Variants in FCHSD2 observed in about 807,000 individuals in gnomAD.
FCHSD2 encodes F-BAR and double SH3 domains protein 2.
Under a neutral mutation model 108.1 loss-of-function variants are expected in FCHSD2, and 38 were observed. The observed-to-expected ratio is 0.35, with a 90% CI of 0.27 to 0.46. The LOEUF (loss-of-function observed/expected upper bound fraction) is 0.46, where lower values mean the gene tolerates loss of function less well. FCHSD2 is among the 20% of genes least tolerant of loss of function. FCHSD2 has a pLI of 1.00. For synonymous variants in FCHSD2, 279 were observed against 314.7 expected (o/e 0.89, Z 1.20); for missense variants, 751 against 897.8 (o/e 0.84, Z 2.09).
intron 9 of FCHSD2, among the ~76,000 whole-genome samples, chr11:72,903,973 A>G (rs1482731106): frequency 6.6e-6 from 1 of 152,224 alleles, no homozygotes; most frequent in East Asian, 1.9e-4. Context: ...ATATAGATGA[A>G]TAAGACAAAC....
intron 12 of FCHSD2, among the ~76,000 whole-genome samples, chr11:72,883,597 A>G (rs1217367945): frequency 5.9e-5 from 9 of 152,240 alleles, no homozygotes; most frequent in Non-Finnish European, 1.2e-4. Context: ...TCAAAACCAC[A>G]GTGAGATACC....
At chr11:73,088,979 T>C (rs1859890598) in intron 2 of FCHSD2, among the ~76,000 whole-genome samples, 1 of 152,208 alleles carries the variant, frequency 6.6e-6, no homozygotes, top group Non-Finnish European at 1.5e-5. Context: ...ACCCTTGATG[T>C]GCATATCAAC....
chr11:73,106,750 T>C (rs1860354616), intron 2 of FCHSD2, among the ~76,000 whole-genome samples: 1 of 152,166 alleles, frequency 6.6e-6, no homozygotes, highest in African/African-American at 2.4e-5. Flanking sequence ...TGTATCACAA[T>C]TGCTTAAAGT....
intron 4 of FCHSD2, among the ~76,000 whole-genome samples, chr11:73,007,602 A>C (rs1857768622): frequency 6.6e-6 from 1 of 152,142 alleles, no homozygotes; most frequent in Admixed American, 6.5e-5. Flanking sequence ...CCCTGTTTTG[A>C]AAGAAAGGAA....
chr11:73,082,459 C>T (rs1859718861), intron 3 of FCHSD2, among the ~76,000 whole-genome samples: 1 of 150,322 alleles, frequency 6.7e-6, no homozygotes. Context: ...ACTGATTGAA[C>T]CAATGAATTA....
At chr11:72,930,650 C>T (rs1273370777) in intron 8 of FCHSD2, among the ~76,000 whole-genome samples, 2 of 152,206 alleles carry the variant, frequency 1.3e-5, no homozygotes, top group South Asian at 2.1e-4. Context: ...GAGCCTGAGG[C>T]ATAAGAATTG....
intron 8 of FCHSD2, among the ~76,000 whole-genome samples, chr11:72,967,818 C>T (rs1591443082): frequency 1.3e-5 from 2 of 149,586 alleles, no homozygotes; most frequent in Non-Finnish European, 3.0e-5. Context: ...AGGCTGGGTG[C>T]GGGTGGCTCA....
In FCHSD2 at chr11:72,872,126, T is replaced by C. The variant is rs543629920; in HGVS notation, c.1147-4100A>G. Among the ~76,000 whole-genome samples the C allele has an allele frequency of 1.0e-3, 157 of 152,244 alleles. 1 individual carries two copies. The highest frequency in any genetic ancestry group is 2.1e-3 in the Non-Finnish European group (144 of 68,018). ...GTTTGGGGTATCATATACGTCTTTA[T>C]ATAAGACAATTGGAATTTTTGGCTT... On this transcript the variant is annotated intron_variant, in intron 12 of 19. Transcript: ENST00000409418.
At chr11:72,872,889 T>G (rs1178552428) in intron 12 of FCHSD2, among the ~76,000 whole-genome samples, 1 of 152,224 alleles carries the variant, frequency 6.6e-6, no homozygotes, top group Admixed American at 6.5e-5. Context: ...AACGTGGCTT[T>G]ATCATTTGAT....
At chr11:73,011,607 G>GCTCA (rs1857865452) in intron 4 of FCHSD2, among the ~76,000 whole-genome samples, 1 of 152,148 alleles carries the variant, frequency 6.6e-6, no homozygotes, top group Admixed American at 6.5e-5. Flanking sequence ...CTCAGAGCGT[G>GCTCA]TGTGGGACCC....
intron 2 of FCHSD2, among the ~76,000 whole-genome samples, chr11:73,096,026 AAAAAC>A (rs548351278): frequency 1.1e-4 from 17 of 152,128 alleles, no homozygotes; most frequent in African/African-American, 3.6e-4. Context: ...GAAAAAAACA[AAAAAC>A]AAAACAAAAC....
intron 3 of FCHSD2, among the ~76,000 whole-genome samples, chr11:73,077,455 G>A (rs780688998): frequency 1.3e-5 from 2 of 152,030 alleles, no homozygotes; most frequent in Non-Finnish European, 2.9e-5. Flanking sequence ...ATACACAGCT[G>A]GTGGGAACAA....
chr11:73,012,434 G>C (rs1857882606), intron 4 of FCHSD2, among the ~76,000 whole-genome samples: 1 of 152,120 alleles, frequency 6.6e-6, no homozygotes, highest in South Asian at 2.1e-4. Context: ...AGATGCTTGG[G>C]AAATGATATT....
intron 10 of FCHSD2, 103 bp downstream of exon 10, chr11:72,902,440 A>T: frequency 1.6e-6 from 1 of 617,074 alleles, no homozygotes; most frequent in South Asian, 2.5e-5. Flanking sequence ...AAAATTGATG[A>T]GATATACTCA....
chr11:73,038,568 C>G (rs919091109), intron 3 of FCHSD2, among the ~76,000 whole-genome samples: 2 of 151,996 alleles, frequency 1.3e-5, no homozygotes, highest in Admixed American at 1.3e-4. Flanking sequence ...TAGCTGGCAA[C>G]GATTATCCTA....
In FCHSD2 at chr11:72,855,005, G is replaced by A. The variant is rs147866201; in HGVS notation, c.1309-5116C>T. ...ATACAAAAATTAGGCCAGGCACGGT[G>A]GCTCACACCTGTAATCCCTGCACTT... On this transcript the variant is annotated intron_variant, in intron 13 of 19. Coordinates refer to ENST00000409418, the MANE Select transcript of FCHSD2 (RefSeq NM_014824.3). Among the ~76,000 whole-genome samples the A allele has an allele frequency of 9.8e-3, 1,488 of 152,202 alleles. 20 individuals are homozygous for A. Among genetic ancestry groups the A allele is most frequent in the African/African-American group, 0.034 (1,417 of 41,520 alleles).
At chr11:73,120,390 T>C (rs1381481625) in intron 2 of FCHSD2, among the ~76,000 whole-genome samples, 1 of 152,206 alleles carries the variant, frequency 6.6e-6, no homozygotes, top group Non-Finnish European at 1.5e-5. Context: ...CAATGTCTCA[T>C]TTGGTAGCAA....
chr11:72,943,377 AC>A (rs1052507910), intron 8 of FCHSD2, among the ~76,000 whole-genome samples: 3 of 152,342 alleles, frequency 2.0e-5, no homozygotes, highest in Admixed American at 6.5e-5. Context: ...TTAACTGAGG[AC>A]TACTGAATAG....
At chr11:73,043,263 G>A (rs865906977) in intron 3 of FCHSD2, among the ~76,000 whole-genome samples, 6 of 152,090 alleles carry the variant, frequency 3.9e-5, no homozygotes, top group South Asian at 2.1e-4. Flanking sequence ...TTATCATGAA[G>A]GAATTTTTAC....
Sources: gnomAD v4.1 joint callset for allele counts (sites outside exome capture counted in the v4.1 genomes callset) on GRCh38, gnomAD v4.1.1 for gene constraint, MANE v1.5 for transcripts, NCBI Gene and HGNC (gene_info 2026-07-23, HGNC 2026-07-21) for gene names.